Variants in DNAH14 observed in about 807,000 individuals in gnomAD.
The protein encoded by DNAH14 is dynein axonemal heavy chain 14.
In DNAH14, 478 loss-of-function variants were observed where a neutral mutation model predicts 520.9. The observed-to-expected ratio is 0.92, with a 90% CI of 0.85 to 0.99. The LOEUF is 0.99. Among genes scored for constraint, DNAH14 ranks in the 50% least tolerant of loss-of-function variants. The pLI, the probability that DNAH14 is intolerant of heterozygous loss-of-function variation, is 0.00. For missense variants in DNAH14, 4,831 were observed against 5,234.5 expected, an observed-to-expected ratio of 0.92 and a Z score of 2.38; for synonymous variants, 1,581 against 1,757.2, an observed-to-expected ratio of 0.90 and a Z score of 2.51.
intron 69 of DNAH14, among the ~76,000 whole-genome samples, chr1:225,342,272 A>G (rs1574920604): frequency 6.6e-6 from 1 of 152,172 alleles, no homozygotes; most frequent in Admixed American, 6.5e-5. Flanking sequence ...TGAAGCACCC[A>G]TATCCTGGGA....
chr1:225,254,971 G>A (rs2092687548), intron 44 of DNAH14, among the ~76,000 whole-genome samples: 1 of 152,156 alleles, frequency 6.6e-6, no homozygotes, highest in South Asian at 2.1e-4. Context: ...TTTTGGTGTG[G>A]TTGTTTGCAC....
At position 225,336,157 on chromosome 1, in the gene DNAH14, CATATAT is replaced by C. The variant is rs552593568; in HGVS notation, c.10081-1101_10081-1096del. ...TATGTAGACAGACCTCAAGCAACCT[CATATAT>C]ATATATAAAGTTATAAGACTATGCA... is the stretch of plus-strand genomic sequence containing the variant. On this transcript the variant is annotated intron_variant, in intron 66 of 85. Coordinates refer to ENST00000682510, the MANE Select transcript of DNAH14 (RefSeq NM_001367479.1). Among the ~76,000 whole-genome samples, 101 of 149,152 alleles carry C rather than the reference CATATAT, an allele frequency of 6.8e-4. 1 individual carries two copies. The highest frequency in any genetic ancestry group is 2.0e-3 in the Admixed American group (30 of 14,946).
intron 17 of DNAH14, among the ~76,000 whole-genome samples, chr1:225,075,677 C>A (rs963045640): frequency 6.6e-6 from 1 of 151,896 alleles, no homozygotes; most frequent in Non-Finnish European, 1.5e-5. Flanking sequence ...ATAGTGGGAC[C>A]CTACCTCTAA....
Position 225,384,542 on chromosome 1 carries a change from G to A in DNAH14, c.13077+2963G>A, listed in dbSNP as rs561478232. ...TAGATGCAATAAAAAATGATAAAGG[G>A]GATATCACCACCGATCCCACAGAAA... On this transcript the variant is annotated intron_variant, in intron 81 of 85. Transcript: ENST00000682510. Among the ~76,000 whole-genome samples, 901 of 151,836 alleles carry A rather than the reference G, an allele frequency of 5.9e-3. 6 individuals carry two copies. Among genetic ancestry groups the A allele is most frequent in the South Asian group, 0.012 (56 of 4,800 alleles).
intron 41 of DNAH14, among the ~76,000 whole-genome samples, chr1:225,227,513 G>A (rs991617029): frequency 2.0e-5 from 3 of 152,154 alleles, no homozygotes; most frequent in Non-Finnish European, 4.4e-5. Context: ...TCTTAGTACA[G>A]ATCAAAATGA....
chr1:224,957,125 G>A (rs191520633), intron 3 of DNAH14, among the ~76,000 whole-genome samples: 2 of 152,144 alleles, frequency 1.3e-5, no homozygotes, highest in Admixed American at 1.3e-4. Context: ...CGATATAGGG[G>A]GACCATTTAT....
At chr1:225,065,743 C>T (rs1331177942) in intron 17 of DNAH14, among the ~76,000 whole-genome samples, 2 of 151,988 alleles carry the variant, frequency 1.3e-5, no homozygotes, top group Non-Finnish European at 2.9e-5. Flanking sequence ...TGTACATATA[C>T]TACATTTTAT....
chr1:225,000,846 G>A (rs1250881245), intron 8 of DNAH14, among the ~76,000 whole-genome samples: 1 of 151,690 alleles, frequency 6.6e-6, no homozygotes, highest in Non-Finnish European at 1.5e-5. Flanking sequence ...ATTTCCATTT[G>A]GTTCTTCTTT....
At chr1:225,151,303 C>T (rs1279109694) in intron 31 of DNAH14, among the ~76,000 whole-genome samples, 5 of 151,796 alleles carry the variant, frequency 3.3e-5, no homozygotes, top group Non-Finnish European at 7.4e-5. Flanking sequence ...GCTAGTATTA[C>T]AGGACTCATA....
intron 73 of DNAH14, 150 bp from the exon 74 acceptor site, chr1:225,358,346 A>G: frequency 3.0e-6 from 2 of 673,914 alleles, no homozygotes; most frequent in South Asian, 2.2e-5. Flanking sequence ...TCCTCCATGC[A>G]TAGTCTGTCC....
In DNAH14 at chr1:225,337,258, C is replaced by T; in HGVS notation, c.10081-8C>T. The T allele has an allele frequency of 1.3e-6, 2 of 1,547,596 alleles. No homozygotes were observed. The highest frequency in any genetic ancestry group is 1.7e-6 in the Non-Finnish European group (2 of 1,143,264). On this transcript the variant is annotated splice_region_variant and splice_polypyrimidine_tract_variant and intron_variant, in intron 66 of 85. Transcript: ENST00000682510. ...AAAATAGTGAAAGTACTAATAATTTCATTGCAGATCAGCCGATGGCATAAT... is the reference window on the plus strand; with the variant it reads ...AAAATAGTGAAAGTACTAATAATTTTATTGCAGATCAGCCGATGGCATAAT...
intron 41 of DNAH14, among the ~76,000 whole-genome samples, chr1:225,217,306 A>T (rs1574065340): frequency 6.6e-6 from 1 of 152,046 alleles, no homozygotes; most frequent in African/African-American, 2.4e-5. Flanking sequence ...GTGTCAGTTG[A>T]CCCCTACTGG....
intron 27 of DNAH14, among the ~76,000 whole-genome samples, chr1:225,135,265 T>A (rs1266392713): frequency 4.6e-5 from 7 of 152,204 alleles, no homozygotes; most frequent in Non-Finnish European, 7.3e-5. Flanking sequence ...ACTTGAGGTC[T>A]CTCTAGCTTT....
chr1:225,289,843 CA>C, intron 54 of DNAH14, 41 bp from the exon 55 acceptor site: 1 of 1,244,408 alleles, frequency 8.0e-7, no homozygotes, highest in Non-Finnish European at 1.0e-6. Flanking sequence ...GAAAGATTCC[CA>C]GAAAATGTAT....
At chr1:225,081,930 T>G (rs369508199) in intron 19 of DNAH14, among the ~76,000 whole-genome samples, 1 of 152,068 alleles carries the variant, frequency 6.6e-6, no homozygotes, top group Non-Finnish European at 1.5e-5. Context: ...ATTGTAGTGA[T>G]GGTATATTTT....
At chr1:224,937,829 A>G (rs2059140291) in intron 1 of DNAH14, among the ~76,000 whole-genome samples, 1 of 152,148 alleles carries the variant, frequency 6.6e-6, no homozygotes, top group South Asian at 2.1e-4. Flanking sequence ...CCAAAACAGT[A>G]TGATACTGGC....
intron 3 of DNAH14, among the ~76,000 whole-genome samples, chr1:224,958,850 A>G (rs941577848): frequency 1.3e-5 from 2 of 152,270 alleles, no homozygotes; most frequent in South Asian, 4.1e-4. Flanking sequence ...TTCCAGATTG[A>G]GTGACCAGGC....
intron 54 of DNAH14, among the ~76,000 whole-genome samples, chr1:225,285,261 T>A (rs994590976): frequency 6.6e-6 from 1 of 152,092 alleles, no homozygotes; most frequent in Non-Finnish European, 1.5e-5. Flanking sequence ...CAATTAAAAA[T>A]AAACAGGCCA....
rs891182001 is a variant in DNAH14 at position 225,062,302 on chromosome 1, AAGAG to A, written c.2424+10521_2424+10524del. 2.2e-4 allele frequency among the ~76,000 whole-genome samples: 33 copies of A among 151,158 alleles called. No homozygotes were observed. In the South Asian group the frequency reaches 2.3e-3, roughly 11 times the overall value. On this transcript the variant is annotated intron_variant, in intron 17 of 85. Coordinates refer to ENST00000682510, the MANE Select transcript of DNAH14 (RefSeq NM_001367479.1). ...CAACAGAATAAGACTGTATCTCAAA[AAGAG>A]AGAGAGAGAGAGAAAGAAAGAGAAA...
Sources: allele counts gnomAD v4.1 joint callset (sites outside exome capture counted in the v4.1 genomes callset), GRCh38; gene constraint gnomAD v4.1.1; transcripts MANE v1.5; gene names NCBI Gene and HGNC (gene_info 2026-07-23, HGNC 2026-07-21).